Variants in SLC5A4 observed in about 807,000 individuals in gnomAD.
SLC5A4 encodes the protein probable glucose sensor protein SLC5A4.
SLC5A4 carries 55 observed loss-of-function variants against 70.3 expected under a neutral mutation model. The observed-to-expected ratio is 0.78, with a 90% CI of 0.63 to 0.98. SLC5A4 has a LOEUF of 0.98. SLC5A4 is among the 50% of genes least tolerant of loss of function. SLC5A4 has a pLI of 0.00. For synonymous variants in SLC5A4, 268 were observed against 305.7 expected (o/e 0.88, Z 1.29); for missense variants, 735 against 839.2 (o/e 0.88, Z 1.53).
chr22:32,229,831 T>A (rs1235045343), intron 10 of SLC5A4, among the ~76,000 whole-genome samples: 1 of 152,158 alleles, frequency 6.6e-6, no homozygotes, highest in Non-Finnish European at 1.5e-5. Context: ...AATAAATGCT[T>A]GAGGGGACAG....
At chr22:32,332,252 C>T in the SLC5A4 span, among the ~76,000 whole-genome samples, 1 of 152,220 alleles carries the variant, frequency 6.6e-6, no homozygotes, top group African/African-American at 2.4e-5. Context: ...CTCACCATGG[C>T]CCTGCACAGT....
the SLC5A4 span, among the ~76,000 whole-genome samples, chr22:32,277,640 C>T: frequency 5.3e-5 from 8 of 152,234 alleles, no homozygotes; most frequent in East Asian, 7.7e-4. Context: ...CTCCGCTTCC[C>T]GGGTTCATGC....
chr22:32,354,829 T>C, the SLC5A4 span: 1 of 152,300 alleles, frequency 6.6e-6, no homozygotes, highest in African/African-American at 2.4e-5. Context: ...TGGCGAACTT[T>C]TCCCACCACC....
At chr22:32,314,783 C>CA in the SLC5A4 span, among the ~76,000 whole-genome samples, 1 of 152,148 alleles carries the variant, frequency 6.6e-6, no homozygotes, top group African/African-American at 2.4e-5. Context: ...CAAGGAGGAG[C>CA]AAGTCACGTC....
chr22:32,231,118 G>T (rs1416966359), intron 9 of SLC5A4, 43 bp from the exon 10 acceptor site: 3 of 1,159,900 alleles, frequency 2.6e-6, no homozygotes, highest in Non-Finnish European at 3.9e-6. Flanking sequence ...GCCCAAATAG[G>T]CAAAACCAAC....
chr22:32,218,826 T>C (rs889796147), intron 14 of SLC5A4, 101 bp from the exon 15 acceptor site: 5 of 814,140 alleles, frequency 6.1e-6, no homozygotes, highest in Non-Finnish European at 7.7e-6. Context: ...ATGATTACAA[T>C]CAGCTGGGAG....
upstream of SLC5A4, among the ~76,000 whole-genome samples, chr22:32,257,553 A>G (rs1183635290): frequency 6.6e-6 from 1 of 151,794 alleles, no homozygotes; most frequent in African/African-American, 2.4e-5. Flanking sequence ...GGGTCTTACC[A>G]TGTTGTCCAG....
Position 32,229,239 on chromosome 22 carries a change from T to A in SLC5A4, c.1235A>T (p.Lys412Met). ...TTTCTCCGACGCTTGCTTCCGCATC[T>A]TGGTGTAGAGGTCAATGGTGAAGAG... ...STLFTIDLYTKMRKQASEKEL... is the reference protein window; with the variant it reads ...STLFTIDLYTMMRKQASEKEL... The change falls in exon 11 of 15, where the codon AAG (lysine) becomes ATG (methionine). Residue 412 changes from lysine to methionine, a missense_variant. Lys to Met is a moderately conservative substitution (Grantham distance 95). Coordinates refer to ENST00000266086, the MANE Select transcript of SLC5A4 (RefSeq NM_014227.3). 6.2e-7 allele frequency: 1 copy of A among 1,614,118 alleles called. No individual in the cohort carries two copies. The highest frequency in any genetic ancestry group is 1.6e-4 in the Middle Eastern group (1 of 6,062).
the SLC5A4 span, among the ~76,000 whole-genome samples, chr22:32,292,213 ATATAT>A: frequency 2.7e-5 from 2 of 73,270 alleles, no homozygotes; most frequent in East Asian, 2.7e-4. Flanking sequence ...TATATAATAT[ATATAT>A]TATATTCTAT....
chr22:32,339,129 G>C, the SLC5A4 span, among the ~76,000 whole-genome samples: 3 of 152,284 alleles, frequency 2.0e-5, no homozygotes, highest in Admixed American at 2.0e-4. Flanking sequence ...TAAAATCAAG[G>C]CACATCATTA....
chr22:32,292,417 ATG>A, the SLC5A4 span, among the ~76,000 whole-genome samples: 9 of 147,510 alleles, frequency 6.1e-5, no homozygotes, highest in Non-Finnish European at 5.9e-5. Context: ...TTTCTAGTGT[ATG>A]TGTGTGTGTG....
chr22:32,235,121 T>G, intron 7 of SLC5A4, 28 bp from the exon 8 acceptor site: 1 of 1,517,004 alleles, frequency 6.6e-7, no homozygotes, highest in South Asian at 1.1e-5. Context: ...TAAAATGAGA[T>G]GTCTTACTGA....
the SLC5A4 span, among the ~76,000 whole-genome samples, chr22:32,308,302 G>T: frequency 1.3e-4 from 17 of 129,398 alleles, no homozygotes; most frequent in African/African-American, 5.4e-4. Context: ...GCACCTCCAG[G>T]AACCCCATGT....
chr22:32,231,313 G>A (rs933599083), intron 9 of SLC5A4, among the ~76,000 whole-genome samples: 1 of 152,186 alleles, frequency 6.6e-6, no homozygotes, highest in Non-Finnish European at 1.5e-5. Flanking sequence ...CCCTTGGGAC[G>A]TGGCCTAGCA....
At chr22:32,302,329 TC>T in the SLC5A4 span, among the ~76,000 whole-genome samples, 5 of 151,992 alleles carry the variant, frequency 3.3e-5, no homozygotes, top group African/African-American at 1.2e-4. Context: ...CTGTAGCTTG[TC>T]TGTTCCTCCC....
intron 3 of SLC5A4, among the ~76,000 whole-genome samples, chr22:32,249,113 T>C (rs1435195103): frequency 1.3e-5 from 2 of 152,270 alleles, no homozygotes; most frequent in East Asian, 1.9e-4. Flanking sequence ...GCATAAATGA[T>C]AAATGGAGTG....
chr22:32,327,611 G>T, the SLC5A4 span, among the ~76,000 whole-genome samples: 255 of 152,346 alleles, frequency 1.7e-3, 1 homozygote, highest in Non-Finnish European at 2.5e-3. Flanking sequence ...AGCCTGGCAC[G>T]TGGGAGAGCT....
chr22:32,306,934 G>C, the SLC5A4 span, among the ~76,000 whole-genome samples: 72,651 of 151,864 alleles, frequency 0.48, 17,530 homozygotes, highest in Admixed American at 0.51. Flanking sequence ...CCACCAGCTT[G>C]GTTCCAGTTG....
the SLC5A4 span, among the ~76,000 whole-genome samples, chr22:32,290,048 G>C: frequency 2.0e-5 from 3 of 150,706 alleles, no homozygotes; most frequent in African/African-American, 7.3e-5. Flanking sequence ...TTAAATGTTT[G>C]GTTGAATTTG....
Sources: allele counts gnomAD v4.1 joint callset (sites outside exome capture counted in the v4.1 genomes callset), GRCh38; gene constraint gnomAD v4.1.1; transcripts MANE v1.5; gene names NCBI Gene and HGNC (gene_info 2026-07-23, HGNC 2026-07-21).